The following PTPRD variants were observed in gnomAD, a reference collection of about 807,000 sequenced individuals.
PTPRD encodes the protein protein tyrosine phosphatase receptor type D.
In PTPRD, 34 loss-of-function variants were observed where a neutral mutation model predicts 214.5. The observed-to-expected ratio is 0.16, with a 90% CI of 0.12 to 0.21. The LOEUF (loss-of-function observed/expected upper bound fraction) is 0.21. Ranked by LOEUF, PTPRD falls within the 10% of genes least tolerant of loss-of-function variation. The probability of loss-of-function intolerance (pLI) is 1.00; values close to 1 mark genes in which losing one functional copy is unlikely to be tolerated. For missense variants in PTPRD, 2,545 were observed against 2,398.7 expected, an observed-to-expected ratio of 1.06 and a Z score of -1.27; for synonymous variants, 1,128 against 845.7, an observed-to-expected ratio of 1.33 and a Z score of -5.79.
At chr9:9,962,502 C>T (rs886768106) in intron 4 of PTPRD, among the ~76,000 whole-genome samples, 1 of 151,928 alleles carries the variant, frequency 6.6e-6, no homozygotes, top group Non-Finnish European at 1.5e-5. Flanking sequence ...AAGCACAATT[C>T]ACCCAAACAT....
intron 8 of PTPRD, among the ~76,000 whole-genome samples, chr9:9,473,629 G>A (rs2094793368): frequency 6.6e-6 from 1 of 152,092 alleles, no homozygotes; most frequent in Middle Eastern, 3.4e-3. Flanking sequence ...TCACAACTTT[G>A]TCAGCATTTG....
intron 6 of PTPRD, among the ~76,000 whole-genome samples, chr9:9,739,639 G>C (rs553346302): frequency 2.1e-4 from 31 of 151,194 alleles, no homozygotes; most frequent in Non-Finnish European, 3.7e-4. Context: ...AAAAAAAAAA[G>C]CCAGTTGTGG....
At chr9:8,338,681 G>A (rs544103163) in intron 43 of PTPRD, among the ~76,000 whole-genome samples, 13 of 152,032 alleles carry the variant, frequency 8.6e-5, no homozygotes, top group African/African-American at 3.1e-4. Flanking sequence ...GCATCCCCAA[G>A]GTTGAGCTGC....
chr9:9,369,437 C>T (rs1403837614), intron 9 of PTPRD, among the ~76,000 whole-genome samples: 1 of 152,090 alleles, frequency 6.6e-6, no homozygotes, highest in Non-Finnish European at 1.5e-5. Flanking sequence ...ATATCCTTTG[C>T]CCACTTTTTG....
chr9:9,378,537 G>A (rs1160937192), intron 9 of PTPRD, among the ~76,000 whole-genome samples: 1 of 152,078 alleles, frequency 6.6e-6, no homozygotes, highest in Non-Finnish European at 1.5e-5. Flanking sequence ...TAAATACTAT[G>A]GAGATTGTTG....
chr9:8,921,475 T>C (rs1306477293), intron 11 of PTPRD, among the ~76,000 whole-genome samples: 2 of 151,818 alleles, frequency 1.3e-5, no homozygotes, highest in African/African-American at 4.8e-5. Context: ...TGAATATGTA[T>C]TTTTTCAAAA....
At chr9:9,266,905 G>C (rs765307507) in intron 9 of PTPRD, among the ~76,000 whole-genome samples, 2 of 150,416 alleles carry the variant, frequency 1.3e-5, no homozygotes, top group Non-Finnish European at 3.0e-5. Context: ...GCTAGAAAAA[G>C]AAAACTAATG....
chr9:9,033,620 A>G (rs1391741902), intron 10 of PTPRD, among the ~76,000 whole-genome samples: 1 of 151,860 alleles, frequency 6.6e-6, no homozygotes, highest in African/African-American at 2.4e-5. Context: ...CCCTTTTTTG[A>G]TTGGCTGCAA....
chr9:9,573,376 A>G (rs910765681), intron 8 of PTPRD, among the ~76,000 whole-genome samples: 3 of 151,584 alleles, frequency 2.0e-5, no homozygotes, highest in South Asian at 2.1e-4. Flanking sequence ...GTGACTAGAA[A>G]GAGTATAACA....
chr9:8,835,054 G>A (rs1208727777), intron 11 of PTPRD, among the ~76,000 whole-genome samples: 1 of 152,200 alleles, frequency 6.6e-6, no homozygotes, highest in Non-Finnish European at 1.5e-5. Flanking sequence ...AAGGACCCCA[G>A]GTTAAAGTCA....
Position 9,686,287 on chromosome 9 carries a change from GTA to G in PTPRD, c.-287+48244_-287+48245del. On this transcript the variant is annotated intron_variant, in intron 7 of 45. Coordinates refer to ENST00000381196, the MANE Select transcript of PTPRD (RefSeq NM_002839.4). Reference sequence around the variant, plus strand: ...TAATCCTCTCATATTTGAGATGTATGTATGAATTATTTTTTCTAAAAATTCTA... The same window carrying G: ...TAATCCTCTCATATTTGAGATGTATGTGAATTATTTTTTCTAAAAATTCTA... Among the ~76,000 whole-genome samples, 7 of 136,086 alleles carry G rather than the reference GTA, an allele frequency of 5.1e-5. No homozygotes were observed. The Admixed American group carries it at 5.9e-4, about 12-fold the overall frequency. 89.3% of individuals were successfully genotyped at this position (136,086 alleles called of 152,430 possible).
intron 6 of PTPRD, among the ~76,000 whole-genome samples, chr9:9,744,676 T>A (rs982111823): frequency 3.3e-5 from 5 of 152,030 alleles, no homozygotes; most frequent in African/African-American, 1.2e-4. Context: ...TTCAAGTATA[T>A]GTATGTTGAA....
chr9:9,716,315 C>A (rs547402390), intron 7 of PTPRD, among the ~76,000 whole-genome samples: 1 of 151,612 alleles, frequency 6.6e-6, no homozygotes, highest in Non-Finnish European at 1.5e-5. Context: ...AATAAACATA[C>A]GTGTGCATGT....
Position 8,698,240 on chromosome 9 carries a change from G to C in PTPRD, c.64+35540C>G, listed in dbSNP as rs556058594. On this transcript the variant is annotated intron_variant, in intron 12 of 45. Coordinates refer to ENST00000381196, the MANE Select transcript of PTPRD (RefSeq NM_002839.4). ...TGCACTGAATACCTACTGTGTGATA[G>C]ATGTTTATTCAGTGCTTTACTTACA... Among the ~76,000 whole-genome samples, 8 of 152,328 alleles carry C rather than the reference G, an allele frequency of 5.3e-5. No homozygotes were observed. In the East Asian group the frequency reaches 1.5e-3, roughly 29 times the overall value.
chr9:10,139,034 TA>T (rs1463455806), intron 3 of PTPRD, among the ~76,000 whole-genome samples: 2 of 151,994 alleles, frequency 1.3e-5, no homozygotes. Flanking sequence ...TTGGAAGTCC[TA>T]GCCAGAGAAA....
intron 14 of PTPRD, among the ~76,000 whole-genome samples, chr9:8,531,381 G>A (rs1564112881): frequency 6.6e-6 from 1 of 151,950 alleles, no homozygotes; most frequent in Non-Finnish European, 1.5e-5. Flanking sequence ...TTGCTGGGGG[G>A]AAAAAGGAGC....
intron 12 of PTPRD, chr9:8,713,686 A>G (rs2098395674): frequency 6.6e-7 from 1 of 1,513,974 alleles, no homozygotes; most frequent in African/African-American, 1.4e-5. Context: ...CTCCATTCAG[A>G]TCATGATGGT....
At chr9:10,462,029 G>A (rs966540970) in intron 2 of PTPRD, among the ~76,000 whole-genome samples, 1 of 152,166 alleles carries the variant, frequency 6.6e-6, no homozygotes, top group Non-Finnish European at 1.5e-5. Flanking sequence ...ATGAGGAGAT[G>A]TAGGTCAATC....
intron 9 of PTPRD, among the ~76,000 whole-genome samples, chr9:9,298,490 C>A (rs918539987): frequency 6.6e-6 from 1 of 151,604 alleles, no homozygotes; most frequent in Non-Finnish European, 1.5e-5. Context: ...CTGGCTTAAA[C>A]GGGACAGAAA....
Sources: allele counts gnomAD v4.1 joint callset (sites outside exome capture counted in the v4.1 genomes callset), GRCh38; gene constraint gnomAD v4.1.1; transcripts MANE v1.5; gene names NCBI Gene and HGNC (gene_info 2026-07-23, HGNC 2026-07-21).